The following PARS2 variants were observed in gnomAD, a reference collection of about 807,000 sequenced individuals.
The protein encoded by PARS2 is prolyl-tRNA synthetase 2, mitochondrial.
A neutral mutation model predicts 27.4 loss-of-function variants in PARS2; 20 were observed. The ratio of observed to expected loss-of-function variants is 0.73; its 90% CI spans 0.51 to 1.06. The LOEUF (loss-of-function observed/expected upper bound fraction) is 1.06. Among genes scored for constraint, PARS2 ranks in the 50% least tolerant of loss-of-function variants. PARS2 has a pLI of 0.00. For synonymous variants in PARS2, 240 were observed against 247.1 expected (o/e 0.97, Z 0.27); for missense variants, 585 against 602.1 (o/e 0.97, Z 0.30).
chr1:54,761,145 T>C (rs1312497088), intron 1 of PARS2, among the ~76,000 whole-genome samples: 1 of 152,142 alleles, frequency 6.6e-6, no homozygotes, highest in Non-Finnish European at 1.5e-5. Context: ...CCTGCCAACA[T>C]CTAGCCGTCC....
At chr1:54,761,014 G>A (rs944078302) in intron 1 of PARS2, among the ~76,000 whole-genome samples, 1 of 152,108 alleles carries the variant, frequency 6.6e-6, no homozygotes, top group African/African-American at 2.4e-5. Flanking sequence ...TCCTGACCTC[G>A]TGATCCAACT....
At chr1:54,764,162 C>T (rs12023572) in intron 1 of PARS2, among the ~76,000 whole-genome samples, 32,552 of 152,182 alleles carry the variant, frequency 0.21, 4,050 homozygotes, top group East Asian at 0.59. Flanking sequence ...AACGGGAAGG[C>T]TGGCTCAGGC....
chr1:54,762,872 T>C (rs956118292), intron 1 of PARS2, among the ~76,000 whole-genome samples: 1 of 152,156 alleles, frequency 6.6e-6, no homozygotes, highest in African/African-American at 2.4e-5. Context: ...GCTCAATACA[T>C]GTTCTATCAA....
Position 54,758,152 on chromosome 1 carries a change from A to G in PARS2, c.1010T>C (p.Met337Thr), listed in dbSNP as rs1427095420. 6.2e-7 allele frequency: 1 copy of G among 1,614,220 alleles called. No homozygotes were observed. The highest frequency in any genetic ancestry group is 8.5e-7 in the Non-Finnish European group (1 of 1,180,038). Reference sequence around the variant, plus strand: ...TGTCACACCCAAGCCATAGCACCCCATTTCAGCCAGGGTTGGTTTGCCACA... The same window carrying G: ...TGTCACACCCAAGCCATAGCACCCCGTTTCAGCCAGGGTTGGTTTGCCACA... ...NVCGKPTLAEMGCYGLGVTRI... is the reference protein window; with the variant it reads ...NVCGKPTLAETGCYGLGVTRI... Residue 337 changes from methionine (M) to threonine (T), a missense_variant, in exon 2 of 2, where the codon ATG (methionine) becomes ACG (threonine). By Grantham distance (81) the Met-to-Thr change is moderately conservative. Coordinates refer to ENST00000371279, the MANE Select transcript of PARS2 (RefSeq NM_152268.4).
In PARS2 at chr1:54,762,314, T is replaced by G. The variant is rs1646162355; in HGVS notation, c.-30+2147A>C. Among the ~76,000 whole-genome samples, 4 of 152,172 alleles carry G rather than the reference T, an allele frequency of 2.6e-5. No homozygotes were observed. In the South Asian group the frequency reaches 6.2e-4, roughly 24 times the overall value. On this transcript the variant is annotated intron_variant, in intron 1 of 1. Transcript: ENST00000371279. ...CCACCATGCCCAACTATTTTTCATA[T>G]TTTTAGTACAGACAGAGTTTCACCA...
rs1646134693 is a variant in PARS2 at position 54,758,428 on chromosome 1, T to C, written c.734A>G (p.Gln245Arg). The change falls in exon 2 of 2, where the codon CAG (glutamine) becomes CGG (arginine). Residue 245 changes from glutamine to arginine, a missense_variant. Physicochemically the swap from Gln to Arg is conservative, Grantham distance 43. Transcript: ENST00000371279. ...GCCCCCGATGGTGCCCACATCGGCC[T>C]GGACCTTGACAAATGGCAGCCCTAG... ...NKLGLPFVKV[Q>R]ADVGTIGGTV... is the part of the protein sequence containing the mutation. The C allele has an allele frequency of 6.2e-7, 1 of 1,614,168 alleles. No individual in the cohort carries two copies. Among genetic ancestry groups the C allele is most frequent in the Non-Finnish European group, 8.5e-7 (1 of 1,180,018 alleles).
intron 1 of PARS2, among the ~76,000 whole-genome samples, chr1:54,761,722 G>C (rs1206058966): frequency 1.3e-5 from 2 of 152,172 alleles, no homozygotes; most frequent in Non-Finnish European, 2.9e-5. Context: ...TCTCCCAGCT[G>C]GTTACCTCTA....
At position 54,761,812 on chromosome 1, in the gene PARS2, A is replaced by G. The variant is rs536079784; in HGVS notation, c.-29-2622T>C. Among the ~76,000 whole-genome samples the G allele has an allele frequency of 1.3e-4, 20 of 152,282 alleles. No individual in the cohort carries two copies. The South Asian group carries it at 3.9e-3, about 30-fold the overall frequency. On this transcript the variant is annotated intron_variant, in intron 1 of 1. Coordinates refer to ENST00000371279, the MANE Select transcript of PARS2 (RefSeq NM_152268.4). The stretch of plus-strand genomic sequence containing the variant: ...TCCCCTGTGCACTGTACAAATGTTT[A>G]AAGGTGGTCAGGCACTGCCACAGAG...
chr1:54,758,001 G>A lies in PARS2; in HGVS notation c.1161C>T (p.Ser387=), dbSNP rs762483976. Residue 387 remains serine (S), a synonymous_variant, in exon 2 of 2, where the codon TCC becomes TCT. Coordinates refer to ENST00000371279, the MANE Select transcript of PARS2 (RefSeq NM_152268.4). ...PKKGSKEQAA[S]ELIGQLYDHI... is the part of the protein sequence containing the mutation. Reference sequence around the variant, plus strand: ...GGTCGTACAGCTGCCCTATGAGCTCGGAGGCCGCCTGCTCCTTACTGCCCT... The same window carrying A: ...GGTCGTACAGCTGCCCTATGAGCTCAGAGGCCGCCTGCTCCTTACTGCCCT... 31 of 1,614,042 alleles carry A rather than the reference G, an allele frequency of 1.9e-5. No individual in the cohort carries two copies. The highest frequency in any genetic ancestry group is 4.5e-5 in the East Asian group (2 of 44,892).
chr1:54,757,803 G>A lies in PARS2; in HGVS notation c.1359C>T (p.Asn453=). The A allele has an allele frequency of 6.2e-7, 1 of 1,614,156 alleles. No individual in the cohort carries two copies. The highest frequency in any genetic ancestry group is 1.1e-5 in the South Asian group (1 of 91,082). The change falls in exon 2 of 2, where the codon AAC becomes AAT. Residue 453 remains asparagine (N), a synonymous_variant. Coordinates refer to ENST00000371279, the MANE Select transcript of PARS2 (RefSeq NM_152268.4). ...DPAHFEVWCQ[N]TGEVAFLTKD... is the part of the protein sequence containing the mutation. ...TGGTGAGGAAGGCCACCTCACCAGT[G>A]TTCTGACACCAAACCTCAAAATGTG... is the stretch of plus-strand genomic sequence containing the variant.
intron 1 of PARS2, among the ~76,000 whole-genome samples, chr1:54,763,087 C>T (rs1189758512): frequency 6.6e-6 from 1 of 152,186 alleles, no homozygotes; most frequent in East Asian, 1.9e-4. Context: ...CCCCAAGTTG[C>T]TCATTATTCT....
rs777336137 is a variant in PARS2 at position 54,758,606 on chromosome 1, T to C, written c.556A>G (p.Arg186Gly). ...GGCCTGGGCTCATCCCGAAACTTCC[T>C]TGTCACTTGGTACAGCAGGAAGGGA... ...QLPFLLYQVT[R>G]KFRDEPRPRF... The change falls in exon 2 of 2, where the codon AGG (arginine) becomes GGG (glycine). Residue 186 changes from arginine (R) to glycine (G), a missense_variant. By Grantham distance (125) the Arg-to-Gly change is moderately radical. Coordinates refer to ENST00000371279, the MANE Select transcript of PARS2 (RefSeq NM_152268.4). 8.1e-6 allele frequency: 13 copies of C among 1,614,078 alleles called. No homozygotes were observed. The Admixed American group carries it at 1.0e-4, about 12-fold the overall frequency.
chr1:54,760,903 C>G (rs904743267), intron 1 of PARS2, among the ~76,000 whole-genome samples: 1 of 152,168 alleles, frequency 6.6e-6, no homozygotes, highest in Non-Finnish European at 1.5e-5. Context: ...CTCAGCCTCC[C>G]GAGTAACTGG....
In PARS2 at chr1:54,759,049, C is replaced by T. The variant is rs770472678; in HGVS notation, c.113G>A (p.Arg38Gln). The change falls in exon 2 of 2, where the codon CGG becomes CAG. Residue 38 changes from arginine to glutamine, a missense_variant. Physicochemically the swap from Arg to Gln is conservative, Grantham distance 43. Coordinates refer to ENST00000371279, the MANE Select transcript of PARS2 (RefSeq NM_152268.4). Reference protein sequence around the residue: ...RFHHCAPRRGRRLLLSRVFQP... With the variant: ...RFHHCAPRRGQRLLLSRVFQP... The stretch of plus-strand genomic sequence containing the variant: ...GAACACACGAGACAGCAGCAGGCGC[C>T]GCCCTCTTCTTGGGGCACAGTGGTG... 16 of 1,614,060 alleles carry T rather than the reference C, an allele frequency of 9.9e-6. No individual in the cohort carries two copies. In the Middle Eastern group the frequency reaches 4.9e-4, roughly 50 times the overall value.
intron 1 of PARS2, among the ~76,000 whole-genome samples, chr1:54,761,514 C>CT (rs967843431): frequency 1.3e-5 from 2 of 152,110 alleles, no homozygotes; most frequent in African/African-American, 2.4e-5. Flanking sequence ...GAAGAGAAGG[C>CT]TTTTTTTGTT....
At chr1:54,763,113 TC>T (rs892008529) in intron 1 of PARS2, among the ~76,000 whole-genome samples, 1 of 151,826 alleles carries the variant, frequency 6.6e-6, no homozygotes, top group African/African-American at 2.4e-5. Flanking sequence ...CAGACTGACC[TC>T]CCCCCAACCC....
Position 54,764,492 on chromosome 1 carries a change from A to C in PARS2, c.-61T>G, listed in dbSNP as rs1243353645. 1.3e-5 allele frequency: 2 copies of C among 152,300 alleles called. No individual in the cohort carries two copies. Among genetic ancestry groups the C allele is most frequent in the Middle Eastern group, 3.4e-3 (1 of 298 alleles). The allele number at this position is 152,300 out of a possible 1,614,324, so 9.4% of individuals were successfully genotyped here. ...CCCAGCCCACGCCTCCCGCAAGACC[A>C]CCGCCGTGCCGGGCCAGCGCGCTTG... On this transcript the variant is annotated 5_prime_UTR_variant, in exon 1 of 2. Coordinates refer to ENST00000371279, the MANE Select transcript of PARS2 (RefSeq NM_152268.4).
In PARS2 at chr1:54,757,106, G is replaced by A. The variant is rs959802325; in HGVS notation, c.*628C>T. 2 of 152,238 alleles carry A rather than the reference G, an allele frequency of 1.3e-5. No individual in the cohort carries two copies. Among genetic ancestry groups the A allele is most frequent in the Non-Finnish European group, 1.5e-5 (1 of 68,084 alleles). The allele number at this position is 152,238 out of a possible 1,614,324, so 9.4% of individuals were successfully genotyped here. On this transcript the variant is annotated 3_prime_UTR_variant, in exon 2 of 2. Transcript: ENST00000371279. ...TAGTGACACCTATAAGGACGTTACA[G>A]ATCTAGTTCCAGACTTTACAGATCT...
Position 54,759,280 on chromosome 1 carries a change from A to G in PARS2, c.-29-90T>C, listed in dbSNP as rs926664867. On this transcript the variant is annotated intron_variant, in intron 1 of 1. Transcript: ENST00000371279. ...CCCAGCCTGCTCTCAACAAACTTCGAAGGCAGCCACTGATTTTGCAGATAC... is the reference window on the plus strand; with the variant it reads ...CCCAGCCTGCTCTCAACAAACTTCGGAGGCAGCCACTGATTTTGCAGATAC... 8 of 707,344 alleles carry G rather than the reference A, an allele frequency of 1.1e-5. No homozygotes were observed. In the African/African-American group the frequency reaches 1.4e-4, roughly 13 times the overall value. 43.8% of individuals were successfully genotyped at this position (707,344 alleles called of 1,614,324 possible). A position where few individuals can be genotyped will look rare whatever the true frequency, so the allele number is the denominator to read the frequency against.
Sources: gnomAD v4.1 joint callset for allele counts (sites outside exome capture counted in the v4.1 genomes callset) on GRCh38, gnomAD v4.1.1 for gene constraint, MANE v1.5 for transcripts, NCBI Gene and HGNC (gene_info 2026-07-23, HGNC 2026-07-21) for gene names.